CALD1: variants seen among roughly 807,000 people sequenced by gnomAD.
The protein encoded by CALD1 is caldesmon.
CALD1 carries 33 observed loss-of-function variants against 99.9 expected under a neutral mutation model. That is an observed-to-expected ratio of 0.33 (90% CI 0.25 to 0.44). CALD1 has a LOEUF of 0.44. Among genes scored for constraint, CALD1 ranks in the 20% least tolerant of loss-of-function variants. The pLI is 1.00. For missense variants in CALD1, 861 were observed against 962.1 expected, an observed-to-expected ratio of 0.89 and a Z score of 1.39; for synonymous variants, 310 against 325.0, an observed-to-expected ratio of 0.95 and a Z score of 0.50.
At position 134,968,486 on chromosome 7, in the gene CALD1, T is replaced by C. The variant is rs1170155844; in HGVS notation, c.*141T>C. On this transcript the variant is annotated 3_prime_UTR_variant, in exon 15 of 15. Coordinates refer to ENST00000361675, the MANE Select transcript of CALD1 (RefSeq NM_033138.4). ...TTTTCAATATCCCAGTAAACCCATGTATATTATCACTATATTTAATAATCA... is the reference window on the plus strand; with the variant it reads ...TTTTCAATATCCCAGTAAACCCATGCATATTATCACTATATTTAATAATCA... The C allele has an allele frequency of 1.3e-6, 1 of 748,304 alleles. No homozygotes were observed. The highest frequency in any genetic ancestry group is 2.4e-6 in the Non-Finnish European group (1 of 413,008). The allele number at this position is 748,304 out of a possible 1,614,324, so 46.4% of individuals were successfully genotyped here.
intron 3 of CALD1, among the ~76,000 whole-genome samples, chr7:134,870,842 C>T (rs1325512357): frequency 6.6e-6 from 1 of 151,968 alleles, no homozygotes; most frequent in African/African-American, 2.4e-5. Context: ...TCTAGTTCTG[C>T]TATTCTGAGA....
intron 3 of CALD1, among the ~76,000 whole-genome samples, chr7:134,925,936 T>A: frequency 6.6e-6 from 1 of 152,308 alleles, no homozygotes; most frequent in East Asian, 1.9e-4. Context: ...GAAGCAGTTA[T>A]TAAGGATTGA....
chr7:134,896,099 G>A lies in CALD1; in HGVS notation c.71+28295G>A, dbSNP rs111775965. Among the ~76,000 whole-genome samples the A allele has an allele frequency of 4.0e-3, 605 of 152,234 alleles. 2 individuals carry two copies. The highest frequency in any genetic ancestry group is 5.7e-3 in the Non-Finnish European group (390 of 68,014). ...CCTGCCCTCTTTAAAATAGCCAGTC[G>A]GAACTGGCTTAGACTGTGTGGTCCA... On this transcript the variant is annotated intron_variant, in intron 3 of 14. Transcript: ENST00000361675.
chr7:134,827,324 A>G (rs1302293953), intron 1 of CALD1, among the ~76,000 whole-genome samples: 2 of 152,194 alleles, frequency 1.3e-5, no homozygotes, highest in African/African-American at 4.8e-5. Context: ...CTTAGTTGGG[A>G]AAATGAATCC....
chr7:134,941,148 C>T lies in CALD1; in HGVS notation c.1443C>T (p.Phe481=). Residue 481 remains phenylalanine, a synonymous_variant, in exon 7 of 15, where the codon TTC becomes TTT. Transcript: ENST00000361675. ...AACCCAAAGAAGAAGTTAAGAGCTT[C>T]ATGGATCGAAAGAAGGGATTTACAG... ...DKEPKEEVKS[F]MDRKKGFTEV... 2 of 1,612,798 alleles carry T rather than the reference C, an allele frequency of 1.2e-6. No individual in the cohort carries two copies. The highest frequency in any genetic ancestry group is 4.5e-5 in the East Asian group (2 of 44,850).
chr7:134,724,808 C>T, the CALD1 span, among the ~76,000 whole-genome samples: 13 of 152,190 alleles, frequency 8.5e-5, no homozygotes, highest in Non-Finnish European at 1.9e-4. Context: ...CCAGGGGGAG[C>T]TCCATACTCC....
At chr7:134,739,523 C>A (rs1460097156), upstream of CALD1, among the ~76,000 whole-genome samples, 4 of 152,168 alleles carry the variant, frequency 2.6e-5, no homozygotes, top group Non-Finnish European at 4.4e-5. Context: ...AAATGCACTT[C>A]CCAGCCTCCC....
intron 9 of CALD1, among the ~76,000 whole-genome samples, chr7:134,957,654 C>T (rs1173286760): frequency 6.6e-6 from 1 of 152,184 alleles, no homozygotes; most frequent in Non-Finnish European, 1.5e-5. Context: ...CTCCTGACCT[C>T]AAGTGATTTG....
rs1456286796 is a variant in CALD1, at chr7:134,947,613, C to A, written c.1638C>A (p.Thr546=). ...LEELRRRRGE[T]ESEEFEKLKQ... ...AGCTTCGTCGTCGTCGCGGGGAGACCGAGAGCGAAGAGTTCGAGAAGCTCA... is the reference window on the plus strand; with the variant it reads ...AGCTTCGTCGTCGTCGCGGGGAGACAGAGAGCGAAGAGTTCGAGAAGCTCA... Residue 546 remains threonine (T), a synonymous_variant, in exon 8 of 15, where the codon ACC becomes ACA. Coordinates refer to ENST00000361675, the MANE Select transcript of CALD1 (RefSeq NM_033138.4). 9 of 1,563,508 alleles carry A rather than the reference C, an allele frequency of 5.8e-6. No homozygotes were observed. In the South Asian group the frequency reaches 7.0e-5, roughly 12 times the overall value.
chr7:134,897,430 G>C (rs1339302010), intron 3 of CALD1, among the ~76,000 whole-genome samples: 2 of 149,784 alleles, frequency 1.3e-5, no homozygotes, highest in African/African-American at 4.9e-5. Context: ...TCACAAAACG[G>C]TGCTCACACT....
the CALD1 span, among the ~76,000 whole-genome samples, chr7:134,730,801 T>A: frequency 3.3e-5 from 5 of 152,178 alleles, no homozygotes; most frequent in South Asian, 2.1e-4. Flanking sequence ...AGATTTTATA[T>A]GTCAGACAGG....
chr7:134,827,140 C>T (rs941794775), intron 1 of CALD1, among the ~76,000 whole-genome samples: 3 of 152,154 alleles, frequency 2.0e-5, no homozygotes, highest in Non-Finnish European at 4.4e-5. Context: ...TTTATGTAAA[C>T]AAAATACAAT....
intron 3 of CALD1, among the ~76,000 whole-genome samples, chr7:134,870,630 C>T (rs574870311): frequency 6.6e-6 from 1 of 152,196 alleles, no homozygotes; most frequent in African/African-American, 2.4e-5. Context: ...ATATTTCTGT[C>T]TGTATTACTT....
rs1452906 is a variant in CALD1 at position 134,747,440 on chromosome 7, A to T, written c.-130+3077A>T. 2.4e-3 allele frequency among the ~76,000 whole-genome samples: 359 copies of T among 152,356 alleles called. 1 individual carries two copies. Among genetic ancestry groups the T allele is most frequent in the African/African-American group, 8.1e-3 (336 of 41,572 alleles). The stretch of plus-strand genomic sequence containing the variant: ...CCAGAAAACAGCAGTAAGATTCGTG[A>T]TGCCAAGGAAGGGTGGACTATGTAT... On this transcript the variant is annotated intron_variant, in intron 1 of 13. Coordinates refer to the CALD1 transcript ENST00000417172.
intron 1 of CALD1, among the ~76,000 whole-genome samples, chr7:134,770,461 G>T (rs1388722778): frequency 6.6e-6 from 1 of 151,674 alleles, no homozygotes; most frequent in Non-Finnish European, 1.5e-5. Context: ...TGCACCCCAC[G>T]CCTCCCTTCC....
chr7:134,857,408 C>T (rs1285363412), intron 2 of CALD1, among the ~76,000 whole-genome samples: 1 of 151,570 alleles, frequency 6.6e-6, no homozygotes, highest in South Asian at 2.1e-4. Flanking sequence ...CCGCCCGCCT[C>T]GGCCTCCCAA....
At chr7:134,794,961 C>T (rs143212182) in intron 1 of CALD1, among the ~76,000 whole-genome samples, 129 of 152,316 alleles carry the variant, frequency 8.5e-4, no homozygotes, top group African/African-American at 2.9e-3. Flanking sequence ...CCTGAAACTC[C>T]TTCCCAACTT....
chr7:134,886,901 T>G (rs1424207223), intron 3 of CALD1, among the ~76,000 whole-genome samples: 1 of 152,234 alleles, frequency 6.6e-6, no homozygotes, highest in Non-Finnish European at 1.5e-5. Context: ...CCTTCTTATC[T>G]TTGCATCCCC....
At chr7:134,922,123 A>C (rs913000716) in intron 3 of CALD1, among the ~76,000 whole-genome samples, 1 of 152,200 alleles carries the variant, frequency 6.6e-6, no homozygotes, top group Non-Finnish European at 1.5e-5. Flanking sequence ...TGCAAATCCA[A>C]ACTTGATTAA....
Sources: allele counts gnomAD v4.1 joint callset (sites outside exome capture counted in the v4.1 genomes callset), GRCh38; gene constraint gnomAD v4.1.1; transcripts MANE v1.5; gene names NCBI Gene and HGNC (gene_info 2026-07-23, HGNC 2026-07-21).